The following SLC14A2 variants were observed in gnomAD, a reference collection of about 807,000 sequenced individuals.
SLC14A2 encodes the protein urea transporter 2.
A neutral mutation model predicts 104.6 loss-of-function variants in SLC14A2; 91 were observed. The ratio of observed to expected loss-of-function variants is 0.87; its 90% CI spans 0.73 to 1.04. SLC14A2 has a LOEUF of 1.04. SLC14A2 is among the 50% of genes least tolerant of loss of function. The pLI, the probability that SLC14A2 is intolerant of heterozygous loss-of-function variation, is 0.00. For synonymous variants in SLC14A2, 476 were observed against 466.4 expected, an observed-to-expected ratio of 1.02 and a Z score of -0.27; for missense variants, 1,189 against 1,156.0, an observed-to-expected ratio of 1.03 and a Z score of -0.41.
intron 1 of SLC14A2, among the ~76,000 whole-genome samples, chr18:45,619,266 G>A (rs2045125257): frequency 6.6e-6 from 1 of 152,330 alleles, no homozygotes; most frequent in Non-Finnish European, 1.5e-5. Flanking sequence ...GGGCAGGGCA[G>A]CCGCTCTGTG....
chr18:45,562,262 A>G lies in SLC14A2; in HGVS notation c.-34-62369A>G, dbSNP rs1599007712. On this transcript the variant is annotated intron_variant, in intron 2 of 20. Transcript: ENST00000586448. Reference sequence around the variant, plus strand: ...TGTGAATCTACAAGTTAAAAGCTCTAGGACAGTGCCCAGTCTATACGTAAT... The same window carrying G: ...TGTGAATCTACAAGTTAAAAGCTCTGGGACAGTGCCCAGTCTATACGTAAT... Among the ~76,000 whole-genome samples, 3 of 152,382 alleles carry G rather than the reference A, an allele frequency of 2.0e-5. No homozygotes were observed. The South Asian group carries it at 6.2e-4, about 32-fold the overall frequency.
At chr18:45,334,034 G>A (rs992622754) in intron 1 of SLC14A2, among the ~76,000 whole-genome samples, 4 of 152,136 alleles carry the variant, frequency 2.6e-5, no homozygotes, top group African/African-American at 9.7e-5. Context: ...AATAATTTAA[G>A]GTAAAGGGAC....
At chr18:45,371,328 GA>G (rs1381015610) in intron 1 of SLC14A2, among the ~76,000 whole-genome samples, 2 of 152,166 alleles carry the variant, frequency 1.3e-5, no homozygotes, top group Admixed American at 1.3e-4. Flanking sequence ...ACGCAGTGTT[GA>G]AAAGTGAATA....
At chr18:45,236,496 T>G (rs574859365) in intron 1 of SLC14A2, among the ~76,000 whole-genome samples, 2 of 89,330 alleles carry the variant, frequency 2.2e-5, no homozygotes, top group South Asian at 6.7e-4. Context: ...TATATGTGTA[T>G]ATATACATGT....
intron 10 of SLC14A2, among the ~76,000 whole-genome samples, chr18:45,650,959 G>C (rs2045727393): frequency 6.6e-6 from 1 of 151,878 alleles, no homozygotes; most frequent in Non-Finnish European, 1.5e-5. Flanking sequence ...GGCTGGTCTT[G>C]AGCTCCTGAC....
chr18:45,482,852 A>G (rs1383389942), intron 1 of SLC14A2, among the ~76,000 whole-genome samples: 1 of 152,236 alleles, frequency 6.6e-6, no homozygotes, highest in East Asian at 1.9e-4. Flanking sequence ...GAATCATCTT[A>G]GAATGTGTCC....
At chr18:45,185,118 T>C in the SLC14A2 span, among the ~76,000 whole-genome samples, 1 of 152,168 alleles carries the variant, frequency 6.6e-6, no homozygotes, top group African/African-American at 2.4e-5. Context: ...CCAGGCAACA[T>C]GGATTGTTTC....
At chr18:45,240,971 A>G (rs1356143206) in intron 1 of SLC14A2, among the ~76,000 whole-genome samples, 1 of 152,152 alleles carries the variant, frequency 6.6e-6, no homozygotes, top group Non-Finnish European at 1.5e-5. Flanking sequence ...TGGAGGAAGA[A>G]AGTGGTAACA....
At chr18:45,329,123 G>A (rs2085265157) in intron 1 of SLC14A2, among the ~76,000 whole-genome samples, 1 of 152,170 alleles carries the variant, frequency 6.6e-6, no homozygotes, top group Non-Finnish European at 1.5e-5. Context: ...ATGTTTTGAT[G>A]ATCTATTTGT....
At chr18:45,493,908 G>T (rs549353202) in intron 2 of SLC14A2, among the ~76,000 whole-genome samples, 14 of 152,168 alleles carry the variant, frequency 9.2e-5, no homozygotes, top group Non-Finnish European at 1.6e-4. Flanking sequence ...GGCTCACAAA[G>T]GCCACTGCAT....
intron 1 of SLC14A2, among the ~76,000 whole-genome samples, chr18:45,414,758 ATATAT>A (rs1477336135): frequency 0.018 from 921 of 50,026 alleles, 49 homozygotes; most frequent in African/African-American, 0.02. Context: ...AAAAAAAAAA[ATATAT>A]ATATATATAT....
upstream of SLC14A2, among the ~76,000 whole-genome samples, chr18:45,209,467 C>T (rs920582437): frequency 8.6e-5 from 13 of 151,806 alleles, no homozygotes; most frequent in Admixed American, 4.6e-4. Context: ...GTAAAATATA[C>T]ATTTTTAATT....
chr18:45,532,706 T>TTC (rs1418005670), intron 2 of SLC14A2, among the ~76,000 whole-genome samples: 1 of 152,096 alleles, frequency 6.6e-6, no homozygotes, highest in East Asian at 1.9e-4. Context: ...TCCTGCCTGA[T>TTC]TGCCCTGGCC....
intron 2 of SLC14A2, among the ~76,000 whole-genome samples, chr18:45,571,539 A>G (rs746315937): frequency 2.0e-5 from 3 of 152,242 alleles, no homozygotes; most frequent in Non-Finnish European, 4.4e-5. Flanking sequence ...AAACGTGATC[A>G]TTATAAAATT....
intron 1 of SLC14A2, among the ~76,000 whole-genome samples, chr18:45,416,553 C>T (rs1377501270): frequency 2.0e-5 from 3 of 152,126 alleles, no homozygotes; most frequent in Admixed American, 2.0e-4. Flanking sequence ...TCAAAAATTC[C>T]TCTTTGGGGA....
the SLC14A2 span, among the ~76,000 whole-genome samples, chr18:45,197,077 A>G: frequency 6.6e-6 from 1 of 152,220 alleles, no homozygotes; most frequent in Admixed American, 6.5e-5. Context: ...AAAAGACATT[A>G]GACATAGATT....
chr18:45,424,886 A>G (rs559642723), intron 1 of SLC14A2, among the ~76,000 whole-genome samples: 1 of 152,136 alleles, frequency 6.6e-6, no homozygotes, highest in South Asian at 2.1e-4. Flanking sequence ...AAAAACCATT[A>G]CCTCATTTTT....
At chr18:45,553,570 A>C (rs1389525272) in intron 2 of SLC14A2, among the ~76,000 whole-genome samples, 1 of 152,164 alleles carries the variant, frequency 6.6e-6, no homozygotes, top group Non-Finnish European at 1.5e-5. Context: ...GTGCTGTATG[A>C]GGTCAACTTT....
intron 1 of SLC14A2, among the ~76,000 whole-genome samples, chr18:45,298,812 G>T (rs748495409): frequency 6.6e-6 from 1 of 152,082 alleles, no homozygotes; most frequent in African/African-American, 2.4e-5. Context: ...GAGGAGTGGG[G>T]GACCTTGTGC....
Sources: gnomAD v4.1 joint callset for allele counts (sites outside exome capture counted in the v4.1 genomes callset) on GRCh38, gnomAD v4.1.1 for gene constraint, MANE v1.5 for transcripts, NCBI Gene and HGNC (gene_info 2026-07-23, HGNC 2026-07-21) for gene names.